The following NIN variants were observed in gnomAD, a reference collection of about 807,000 sequenced individuals.
NIN encodes glycogen synthase kinase 3 beta-interacting protein.
NIN carries 137 observed loss-of-function variants against 257.6 expected under a neutral mutation model. The ratio of observed to expected loss-of-function variants is 0.53; its 90% confidence interval spans 0.46 to 0.61. NIN has a LOEUF of 0.61. Among genes scored for constraint, NIN ranks in the 20% least tolerant of loss-of-function variants. The pLI is 0.00. For synonymous variants in NIN, 918 were observed against 919.8 expected (o/e 1.00, Z 0.04); for missense variants, 2,439 against 2,501.2 (o/e 0.98, Z 0.53).
In NIN at chr14:50,720,207, G is replaced by C; in HGVS notation, c.*3256C>G. On this transcript the variant is annotated 3_prime_UTR_variant, in exon 31 of 31. Transcript: ENST00000530997. ...TTAATTAGGCTTTGACTTGGTTTTTGGCATTACTTGTATAATTATATCATT... is the reference window on the plus strand; with the variant it reads ...TTAATTAGGCTTTGACTTGGTTTTTCGCATTACTTGTATAATTATATCATT... The C allele has an allele frequency of 4.5e-6, 1 of 222,532 alleles. No individual in the cohort carries two copies. The highest frequency in any genetic ancestry group is 9.0e-6 in the Non-Finnish European group (1 of 111,380). The allele number at this position is 222,532 out of a possible 1,614,324, so 13.8% of individuals were successfully genotyped here. A position where few individuals can be genotyped will look rare whatever the true frequency, so the allele number is the denominator to read the frequency against.
intron 28 of NIN, 111 bp downstream of exon 28, chr14:50,735,405 C>G: frequency 7.0e-7 from 1 of 1,420,968 alleles, no homozygotes; most frequent in Non-Finnish European, 9.3e-7. Context: ...TGGCAGTGTA[C>G]TTAGATTTTC....
Position 50,783,019 on chromosome 14 carries a change from G to A in NIN, c.436-4215C>T, listed in dbSNP as rs199499114. Among the ~76,000 whole-genome samples, 15 of 152,190 alleles carry A rather than the reference G, an allele frequency of 9.9e-5. No homozygotes were observed. The East Asian group carries it at 2.3e-3, about 23-fold the overall frequency. On this transcript the variant is annotated intron_variant, in intron 5 of 30. Transcript: ENST00000530997. ...AAGCCCAGGCAGCATCCTCATCTTC[G>A]ATGATTTCACACAAAATCTTAAGGC...
chr14:50,767,636 T>C (rs893443156), intron 12 of NIN, among the ~76,000 whole-genome samples: 2 of 151,958 alleles, frequency 1.3e-5, no homozygotes, highest in African/African-American at 4.8e-5. Context: ...GCGAACACGG[T>C]GAAACCCCGT....
intron 2 of NIN, among the ~76,000 whole-genome samples, chr14:50,827,756 CAAAAAA>C (rs370926505): frequency 5.6e-5 from 6 of 107,144 alleles, no homozygotes; most frequent in Non-Finnish European, 1.1e-4. Flanking sequence ...GACTCCGTAT[CAAAAAA>C]AAAAAAAAAA....
chr14:50,813,276 C>T (rs1259181668), intron 3 of NIN, among the ~76,000 whole-genome samples: 1 of 152,244 alleles, frequency 6.6e-6, no homozygotes, highest in Admixed American at 6.5e-5. Context: ...AATTAAGTCT[C>T]ACAAGGTAAC....
At chr14:50,747,331 A>AAGAT (rs1396042734) in intron 22 of NIN, among the ~76,000 whole-genome samples, 1 of 152,150 alleles carries the variant, frequency 6.6e-6, no homozygotes, top group Non-Finnish European at 1.5e-5. Context: ...AGTTATAAGC[A>AAGAT]AGATAGTCCC....
rs2042075767 is a variant in NIN, at chr14:50,757,333, T to G, written c.3697A>C (p.Lys1233Gln). 6.2e-7 allele frequency: 1 copy of G among 1,613,862 alleles called. No individual in the cohort carries two copies. Among genetic ancestry groups the G allele is most frequent in the Non-Finnish European group, 8.5e-7 (1 of 1,179,956 alleles). ...ATTCTCTCAAGCATCTTCAGTTTCT[T>G]TTTTAGCACAGAAACATCAAAAAGT... ...DLLFDVSVLKKKLKMLERIPE... is the reference protein window; with the variant it reads ...DLLFDVSVLKQKLKMLERIPE... The change falls in exon 18 of 31, where the codon AAG becomes CAG. Residue 1233 changes from lysine (K) to glutamine (Q), a missense_variant. By Grantham distance (53) the Lys-to-Gln change is moderately conservative. Around this residue, in one of 3 missense-constraint regions of NIN, gnomAD observed 2,043 missense variants for 2,050.2 expected, o/e 1.00. Coordinates refer to ENST00000530997, the MANE Select transcript of NIN (RefSeq NM_020921.4).
At chr14:50,760,444 T>G in intron 16 of NIN, 85 bp from the exon 17 acceptor site, 2 of 1,249,332 alleles carry the variant, frequency 1.6e-6, no homozygotes, top group African/African-American at 1.5e-5. Context: ...TTGCTTTTTT[T>G]TTTTTTTTTT....
At chr14:50,795,357 GA>G (rs1409957686) in intron 4 of NIN, among the ~76,000 whole-genome samples, 7 of 152,192 alleles carry the variant, frequency 4.6e-5, no homozygotes. Context: ...TGGGAACAGA[GA>G]CAGCAAAGCT....
intron 13 of NIN, among the ~76,000 whole-genome samples, 178 bp from the exon 14 acceptor site, chr14:50,766,574 A>G (rs2042497847): frequency 6.6e-6 from 1 of 152,220 alleles, no homozygotes; most frequent in Admixed American, 6.5e-5. Flanking sequence ...GACGTGTTCA[A>G]TGAACACAGG....
At chr14:50,818,645 C>A (rs577344434) in intron 3 of NIN, among the ~76,000 whole-genome samples, 108 of 152,278 alleles carry the variant, frequency 7.1e-4, no homozygotes, top group South Asian at 7.0e-3. Flanking sequence ...TATGATGGAA[C>A]TCTTTTCATA....
intron 3 of NIN, among the ~76,000 whole-genome samples, chr14:50,816,481 C>T (rs2044902571): frequency 6.6e-6 from 1 of 152,076 alleles, no homozygotes; most frequent in African/African-American, 2.4e-5. Flanking sequence ...GTTTGGGGAG[C>T]AGGGTGAGGG....
chr14:50,823,223 C>A (rs1257217093), intron 2 of NIN: 2 of 573,808 alleles, frequency 3.5e-6, no homozygotes, highest in African/African-American at 1.9e-5. Flanking sequence ...AAGCCTGAAA[C>A]CTGCACATCT....
rs961905531 is a variant in NIN at position 50,720,747 on chromosome 14, A to G, written c.*2716T>C. On this transcript the variant is annotated 3_prime_UTR_variant, in exon 31 of 31. Transcript: ENST00000530997. ...GCTTAAGTGCAGGCTTCTAAAAAGC[A>G]GAAGAGAGTACAATAGGATGAGAGA... The G allele has an allele frequency of 2.5e-5, 5 of 204,054 alleles. No homozygotes were observed. Among genetic ancestry groups the G allele is most frequent in the Non-Finnish European group, 4.0e-5 (4 of 99,440 alleles). 12.6% of individuals were successfully genotyped at this position (204,054 alleles called of 1,614,324 possible).
chr14:50,811,672 G>A (rs1566873465), intron 3 of NIN, among the ~76,000 whole-genome samples: 1 of 150,466 alleles, frequency 6.6e-6, no homozygotes, highest in Admixed American at 6.7e-5. Flanking sequence ...GGCCAAAGCG[G>A]GCTGATTGCC....
At chr14:50,758,752 C>T in intron 17 of NIN, 122 bp from the exon 18 acceptor site, 1 of 844,332 alleles carries the variant, frequency 1.2e-6, no homozygotes, top group Non-Finnish European at 1.8e-6. Flanking sequence ...CCTAAAAATG[C>T]TCTTAACTTA....
At chr14:50,738,100 T>C in intron 27 of NIN, 40 bp downstream of exon 27, 2 of 1,604,948 alleles carry the variant, frequency 1.2e-6, no homozygotes, top group South Asian at 1.1e-5. Context: ...CGCATTATAG[T>C]GAGAACACAG....
Position 50,721,784 on chromosome 14 carries a change from C to T in NIN, c.*1679G>A, listed in dbSNP as rs1225644229. 2 of 223,676 alleles carry T rather than the reference C, an allele frequency of 8.9e-6. No homozygotes were observed. Among genetic ancestry groups the T allele is most frequent in the African/African-American group, 4.5e-5 (2 of 44,816 alleles). The allele number at this position is 223,676 out of a possible 1,614,324, so 13.9% of individuals were successfully genotyped here. On this transcript the variant is annotated 3_prime_UTR_variant, in exon 31 of 31. Coordinates refer to ENST00000530997, the MANE Select transcript of NIN (RefSeq NM_020921.4). ...GGTTTGCTTCATCAGTGTGAACTCC[C>T]AGTCCCACAAAAAACAGTGCCTTGT...
chr14:50,810,827 A>AT (rs2044562977), intron 3 of NIN, among the ~76,000 whole-genome samples: 1 of 151,028 alleles, frequency 6.6e-6, no homozygotes, highest in Non-Finnish European at 1.5e-5. Flanking sequence ...TGCCTGGCTA[A>AT]TTTTTTTTGT....
Sources: allele counts gnomAD v4.1 joint callset (sites outside exome capture counted in the v4.1 genomes callset), GRCh38; gene constraint gnomAD v4.1.1; regional missense constraint gnomAD v4.1.1; transcripts MANE v1.5; gene names NCBI Gene and HGNC (gene_info 2026-07-23, HGNC 2026-07-21).